PBX3: variants seen among roughly 807,000 people sequenced by gnomAD.
PBX3 encodes the protein PBX homeobox 3.
PBX3 carries 14 observed loss-of-function variants against 48.5 expected under a neutral mutation model. The observed-to-expected ratio is 0.29, with a 90% CI of 0.19 to 0.45. The LOEUF (loss-of-function observed/expected upper bound fraction) is 0.45. Ranked by LOEUF, PBX3 falls within the 20% of genes least tolerant of loss-of-function variation. The pLI, the probability that PBX3 is intolerant of heterozygous loss-of-function variation, is 1.00. For synonymous variants in PBX3, 210 were observed against 200.3 expected (o/e 1.05, Z -0.41); for missense variants, 386 against 546.7 (o/e 0.71, Z 2.93).
At chr9:125,845,627 G>A (rs1285334318) in intron 2 of PBX3, among the ~76,000 whole-genome samples, 1 of 152,074 alleles carries the variant, frequency 6.6e-6, no homozygotes, top group Non-Finnish European at 1.5e-5. Flanking sequence ...ATGTGAAATT[G>A]AACAGCAAGG....
chr9:125,785,244 G>C (rs901239385), intron 2 of PBX3, among the ~76,000 whole-genome samples: 1 of 152,176 alleles, frequency 6.6e-6, no homozygotes, highest in Non-Finnish European at 1.5e-5. Flanking sequence ...TATTGTTTCT[G>C]GGTGTGTCTG....
At chr9:125,891,747 A>G (rs1840649773) in intron 2 of PBX3, among the ~76,000 whole-genome samples, 1 of 152,186 alleles carries the variant, frequency 6.6e-6, no homozygotes, top group South Asian at 2.1e-4. Flanking sequence ...GTATCTATGT[A>G]TCATTATCTG....
At chr9:125,921,273 AC>A (rs1406731443) in intron 3 of PBX3, among the ~76,000 whole-genome samples, 1 of 152,066 alleles carries the variant, frequency 6.6e-6, no homozygotes, top group African/African-American at 2.4e-5. Flanking sequence ...TGTATTTATG[AC>A]CACAAGCTCG....
intron 2 of PBX3, among the ~76,000 whole-genome samples, chr9:125,882,590 T>G (rs928518345): frequency 6.6e-6 from 1 of 152,198 alleles, no homozygotes; most frequent in Non-Finnish European, 1.5e-5. Flanking sequence ...TCAACAGATT[T>G]AGAATTGAAT....
At chr9:125,851,381 A>G (rs1471514798) in intron 2 of PBX3, among the ~76,000 whole-genome samples, 1 of 152,104 alleles carries the variant, frequency 6.6e-6, no homozygotes, top group Non-Finnish European at 1.5e-5. Flanking sequence ...AGAAAGATCG[A>G]CAGCCTAGGT....
intron 2 of PBX3, among the ~76,000 whole-genome samples, chr9:125,774,279 T>G (rs186878922): frequency 2.4e-4 from 37 of 152,186 alleles, no homozygotes; most frequent in Non-Finnish European, 1.5e-5. Flanking sequence ...CCATTAGAAA[T>G]CCCATCCATC....
chr9:125,783,350 C>T (rs551954439), intron 2 of PBX3, among the ~76,000 whole-genome samples: 16 of 152,070 alleles, frequency 1.1e-4, no homozygotes, highest in Non-Finnish European at 1.9e-4. Flanking sequence ...TGCAGTGGCA[C>T]GATCTCAGCT....
intron 2 of PBX3, among the ~76,000 whole-genome samples, chr9:125,878,416 A>G (rs1297833087): frequency 6.6e-6 from 1 of 152,180 alleles, no homozygotes; most frequent in Admixed American, 6.5e-5. Context: ...AGTATGCATA[A>G]CCTCTCCTGA....
chr9:125,804,814 G>T (rs1838070303), intron 2 of PBX3, among the ~76,000 whole-genome samples: 1 of 151,958 alleles, frequency 6.6e-6, no homozygotes, highest in African/African-American at 2.4e-5. Flanking sequence ...GGGCGGGGTG[G>T]CGGGTACCTG....
At chr9:125,776,088 C>T (rs1322503522) in intron 2 of PBX3, among the ~76,000 whole-genome samples, 1 of 152,130 alleles carries the variant, frequency 6.6e-6, no homozygotes, top group Non-Finnish European at 1.5e-5. Context: ...TTTATTTCTT[C>T]TTCTTTCCTC....
intron 2 of PBX3, among the ~76,000 whole-genome samples, chr9:125,782,705 A>G (rs1837354398): frequency 6.6e-6 from 1 of 152,162 alleles, no homozygotes; most frequent in South Asian, 2.1e-4. Context: ...TTCAGCCCGA[A>G]GGACCCTTTT....
At chr9:125,889,870 C>T (rs1840596707) in intron 2 of PBX3, among the ~76,000 whole-genome samples, 1 of 147,982 alleles carries the variant, frequency 6.8e-6, no homozygotes, top group Non-Finnish European at 1.5e-5. Flanking sequence ...GCGCCCGACG[C>T]CCGCCCGCGC....
At chr9:125,795,568 AC>A (rs1837754127) in intron 2 of PBX3, among the ~76,000 whole-genome samples, 1 of 152,136 alleles carries the variant, frequency 6.6e-6, no homozygotes, top group Admixed American at 6.6e-5. Flanking sequence ...CAACATGTAA[AC>A]TGTAATGATT....
At chr9:125,864,030 A>G (rs545773930) in intron 2 of PBX3, among the ~76,000 whole-genome samples, 1 of 152,318 alleles carries the variant, frequency 6.6e-6, no homozygotes, top group East Asian at 1.9e-4. Context: ...CCATGGAACA[A>G]TTGAAGGATA....
intron 2 of PBX3, among the ~76,000 whole-genome samples, chr9:125,861,916 A>G (rs780288103): frequency 6.6e-6 from 1 of 152,238 alleles, no homozygotes; most frequent in Non-Finnish European, 1.5e-5. Context: ...CTCTGTGAAT[A>G]TACTGAAAAC....
chr9:125,943,137 C>T (rs1240146193), intron 5 of PBX3, among the ~76,000 whole-genome samples: 3 of 151,860 alleles, frequency 2.0e-5, no homozygotes, highest in African/African-American at 7.3e-5. Flanking sequence ...GAGGCTGAGG[C>T]GGGTGGATCG....
chr9:125,878,213 A>G (rs1747108525), intron 2 of PBX3, among the ~76,000 whole-genome samples: 1 of 152,248 alleles, frequency 6.6e-6, no homozygotes, highest in African/African-American at 2.4e-5. Context: ...AGAGCTGCAC[A>G]TCAGTTAGAA....
At chr9:125,783,075 A>G (rs1460884496) in intron 2 of PBX3, among the ~76,000 whole-genome samples, 1 of 152,114 alleles carries the variant, frequency 6.6e-6, no homozygotes, top group Non-Finnish European at 1.5e-5. Flanking sequence ...TGGATGTATA[A>G]TTTAATGTCT....
intron 2 of PBX3, among the ~76,000 whole-genome samples, chr9:125,832,487 G>C (rs1442550945): frequency 6.6e-6 from 1 of 152,190 alleles, no homozygotes; most frequent in African/African-American, 2.4e-5. Flanking sequence ...GAGCCCCTGC[G>C]CCCAGCCTAA....
Sources: gnomAD v4.1 joint callset for allele counts (sites outside exome capture counted in the v4.1 genomes callset) on GRCh38, gnomAD v4.1.1 for gene constraint, MANE v1.5 for transcripts, NCBI Gene and HGNC (gene_info 2026-07-23, HGNC 2026-07-21) for gene names.